RFPL1: variants seen among roughly 807,000 people sequenced by gnomAD.
RFPL1 encodes ret finger protein-like 1.
RFPL1 carries 6 observed loss-of-function variants against 9.6 expected under a neutral mutation model. That is an observed-to-expected ratio of 0.62 (90% CI 0.34 to 1.23). RFPL1 has a LOEUF of 1.23. RFPL1 is among the 50% of genes most tolerant of loss of function. The probability of loss-of-function intolerance (pLI) is 0.03; values close to 1 mark genes in which losing one functional copy is unlikely to be tolerated. For missense variants in RFPL1, 352 were observed against 398.4 expected, an observed-to-expected ratio of 0.88 and a Z score of 0.99; for synonymous variants, 145 against 149.4, an observed-to-expected ratio of 0.97 and a Z score of 0.22.
the RFPL1 span, among the ~76,000 whole-genome samples, chr22:29,408,853 A>G: frequency 1.3e-5 from 2 of 152,176 alleles, no homozygotes; most frequent in Non-Finnish European, 2.9e-5. Context: ...GACTTGCTAA[A>G]TATTCCAAAA....
At chr22:29,430,958 T>A in the RFPL1 span, among the ~76,000 whole-genome samples, 1 of 152,224 alleles carries the variant, frequency 6.6e-6, no homozygotes, top group Admixed American at 6.5e-5. Context: ...TAAGTTAAAA[T>A]AATCTTTACT....
chr22:29,406,176 A>G, the RFPL1 span, among the ~76,000 whole-genome samples: 2 of 147,880 alleles, frequency 1.4e-5, no homozygotes, highest in African/African-American at 5.0e-5. Flanking sequence ...CATCTCTTTC[A>G]TGAGCTGGAA....
the RFPL1 span, among the ~76,000 whole-genome samples, chr22:29,402,673 A>G: frequency 2.0e-5 from 3 of 150,948 alleles, no homozygotes; most frequent in Admixed American, 1.3e-4. Flanking sequence ...AAATTTGTGT[A>G]TAACTACATT....
chr22:29,400,287 C>T, the RFPL1 span, among the ~76,000 whole-genome samples: 1 of 152,178 alleles, frequency 6.6e-6, no homozygotes, highest in Non-Finnish European at 1.5e-5. Context: ...TGAGCCACCA[C>T]GCCCGGCCTA....
chr22:29,430,225 C>T, the RFPL1 span, among the ~76,000 whole-genome samples: 3 of 152,076 alleles, frequency 2.0e-5, no homozygotes, highest in Non-Finnish European at 4.4e-5. Context: ...GGGGTGGTCT[C>T]AGTATGATAC....
chr22:29,397,047 A>G, the RFPL1 span, among the ~76,000 whole-genome samples: 2 of 151,794 alleles, frequency 1.3e-5, no homozygotes, highest in East Asian at 3.9e-4. Context: ...GGCTGGGACT[A>G]CAGGCGCCTG....
chr22:29,400,336 T>G, the RFPL1 span, among the ~76,000 whole-genome samples: 3 of 152,206 alleles, frequency 2.0e-5, no homozygotes, highest in East Asian at 3.8e-4. Flanking sequence ...TATACATAAT[T>G]GCCTCTTTCC....
chr22:29,414,680 G>A, the RFPL1 span, among the ~76,000 whole-genome samples: 1 of 151,956 alleles, frequency 6.6e-6, no homozygotes, highest in Non-Finnish European at 1.5e-5. Context: ...ACCTTTGTAT[G>A]GTAATTAAGA....
chr22:29,407,020 C>G, the RFPL1 span, among the ~76,000 whole-genome samples: 1 of 151,694 alleles, frequency 6.6e-6, no homozygotes, highest in Admixed American at 6.6e-5. Flanking sequence ...TGCATTAAAT[C>G]AATGGTAGAT....
chr22:29,437,954 T>C, upstream of RFPL1: 1 of 47,682 alleles, frequency 2.1e-5, no homozygotes, highest in South Asian at 3.1e-4. Flanking sequence ...AAGGATGTGA[T>C]TTTTTTTTTT....
the RFPL1 span, among the ~76,000 whole-genome samples, chr22:29,406,518 T>C: frequency 6.6e-6 from 1 of 152,158 alleles, no homozygotes; most frequent in Non-Finnish European, 1.5e-5. Flanking sequence ...ACCCAGGCCA[T>C]TCTTGGTGAC....
chr22:29,393,684 TAG>T, the RFPL1 span, among the ~76,000 whole-genome samples: 147 of 148,480 alleles, frequency 9.9e-4, no homozygotes, highest in Middle Eastern at 3.5e-3. Flanking sequence ...CCCACCTGGA[TAG>T]AGAGAGAGAG....
At chr22:29,398,427 C>T in the RFPL1 span, among the ~76,000 whole-genome samples, 1 of 152,216 alleles carries the variant, frequency 6.6e-6, no homozygotes, top group Non-Finnish European at 1.5e-5. Flanking sequence ...CTCCCTTAAT[C>T]TGCAAAATAT....
the RFPL1 span, among the ~76,000 whole-genome samples, chr22:29,427,800 C>T: frequency 6.6e-6 from 1 of 152,162 alleles, no homozygotes; most frequent in Admixed American, 6.5e-5. Flanking sequence ...TGATGAACCC[C>T]TGTTCCAGGA....
the RFPL1 span, among the ~76,000 whole-genome samples, chr22:29,400,290 C>G: frequency 6.6e-6 from 1 of 152,154 alleles, no homozygotes; most frequent in African/African-American, 2.4e-5. Flanking sequence ...GCCACCACGC[C>G]CGGCCTATCA....
chr22:29,393,072 C>T, the RFPL1 span, among the ~76,000 whole-genome samples: 3 of 152,058 alleles, frequency 2.0e-5, no homozygotes, highest in Non-Finnish European at 4.4e-5. Context: ...GTAGGAAGTA[C>T]CAGGGAGGCA....
chr22:29,425,501 T>C, the RFPL1 span, among the ~76,000 whole-genome samples: 1 of 152,166 alleles, frequency 6.6e-6, no homozygotes, highest in African/African-American at 2.4e-5. Context: ...GGAAGATACC[T>C]GCAGATGGAG....
chr22:29,413,589 G>A, the RFPL1 span, among the ~76,000 whole-genome samples: 2 of 152,078 alleles, frequency 1.3e-5, no homozygotes, highest in African/African-American at 4.8e-5. Context: ...CTTCCTGTAT[G>A]TTTATACCAG....
At chr22:29,430,201 T>G in the RFPL1 span, among the ~76,000 whole-genome samples, 1 of 149,264 alleles carries the variant, frequency 6.7e-6, no homozygotes, top group Non-Finnish European at 1.5e-5. Context: ...CAAAGATGAT[T>G]TTTGGGGGGC....
Sources: allele counts gnomAD v4.1 joint callset (sites outside exome capture counted in the v4.1 genomes callset), GRCh38; gene constraint gnomAD v4.1.1; transcripts MANE v1.5; gene names NCBI Gene and HGNC (gene_info 2026-07-23, HGNC 2026-07-21).